Variants in TFB1M observed in about 807,000 individuals in gnomAD.
TFB1M encodes the protein dimethyladenosine transferase 1, mitochondrial.
A neutral mutation model predicts 31.1 loss-of-function variants in TFB1M; 27 were observed. That is an observed-to-expected ratio of 0.87 (90% CI 0.64 to 1.20). TFB1M has a LOEUF of 1.20. TFB1M is among the 50% of genes most tolerant of loss of function. The pLI is 0.00. For missense variants in TFB1M, 394 were observed against 418.7 expected, an observed-to-expected ratio of 0.94 and a Z score of 0.51; for synonymous variants, 166 against 151.8, an observed-to-expected ratio of 1.09 and a Z score of -0.69.
intron 4 of TFB1M, among the ~76,000 whole-genome samples, chr6:155,292,301 AG>A (rs1401982925): frequency 3.3e-5 from 5 of 152,156 alleles, no homozygotes; most frequent in South Asian, 4.1e-4. Context: ...TGGGGGAGAC[AG>A]GAACAGGAGA....
chr6:155,308,821 C>T (rs1174250986), intron 2 of TFB1M, among the ~76,000 whole-genome samples: 2 of 152,098 alleles, frequency 1.3e-5, no homozygotes, highest in Non-Finnish European at 2.9e-5. Flanking sequence ...GCTTAGAAAT[C>T]ACTAAAATGG....
In TFB1M at chr6:155,285,197, G is replaced by T; in HGVS notation, c.627C>A (p.Ile209=). ...MAQYLCNVRH[I]FTIPGQAFVP... is the part of the protein sequence containing the mutation. The stretch of plus-strand genomic sequence containing the variant: ...CAAAAGCTTGTCCTGGAATCGTAAA[G>T]ATGTGTCGAACATTGCAGAGGTACT... Residue 209 remains isoleucine, a synonymous_variant, in exon 5 of 7, where the codon ATC becomes ATA. Transcript: ENST00000367166. The T allele has an allele frequency of 6.2e-7, 1 of 1,614,054 alleles. No individual in the cohort carries two copies. The highest frequency in any genetic ancestry group is 8.5e-7 in the Non-Finnish European group (1 of 1,179,900).
At chr6:155,264,921 GGAGATGCACGTGTAATCCTCA>G in intron 5 of TFB1M, among the ~76,000 whole-genome samples, 1 of 152,260 alleles carries the variant, frequency 6.6e-6, no homozygotes, top group East Asian at 1.9e-4. Context: ...ACAATTTCAG[GGAGATGCACGTGTAATCCTCA>G]AGAAAGCACA....
chr6:155,274,857 A>C (rs1031431283), intron 5 of TFB1M, among the ~76,000 whole-genome samples: 9 of 152,246 alleles, frequency 5.9e-5, no homozygotes, highest in Non-Finnish European at 1.3e-4. Context: ...TGTATTTATA[A>C]ACCATCTTTA....
chr6:155,252,113 CT>C, downstream of TFB1M: 1 of 786,948 alleles, frequency 1.3e-6, no homozygotes, highest in Non-Finnish European at 2.1e-6. Flanking sequence ...ACTGATACTG[CT>C]TACTCTGAGG....
chr6:155,252,479 A>C (rs935200475), downstream of TFB1M, among the ~76,000 whole-genome samples: 10 of 152,206 alleles, frequency 6.6e-5, no homozygotes, highest in African/African-American at 2.2e-4. Context: ...TAAATACATA[A>C]ATAAGTAAAT....
intron 5 of TFB1M, among the ~76,000 whole-genome samples, chr6:155,266,136 T>C (rs1583315072): frequency 6.6e-6 from 1 of 152,182 alleles, no homozygotes; most frequent in Non-Finnish European, 1.5e-5. Flanking sequence ...CCAGGATCAA[T>C]ACTTTGTATC....
chr6:155,295,954 T>C (rs1175403263), intron 4 of TFB1M, among the ~76,000 whole-genome samples: 2 of 152,024 alleles, frequency 1.3e-5, no homozygotes, highest in Admixed American at 6.5e-5. Flanking sequence ...TTTGTGGGGG[T>C]TCTGGAATCA....
intron 2 of TFB1M, among the ~76,000 whole-genome samples, chr6:155,305,148 AT>A (rs1169024466): frequency 8.9e-6 from 1 of 112,250 alleles, no homozygotes; most frequent in Non-Finnish European, 1.7e-5. Flanking sequence ...ATTTATATAT[AT>A]AAATATATAT....
At chr6:155,291,692 C>T (rs1289665567) in intron 4 of TFB1M, among the ~76,000 whole-genome samples, 1 of 152,174 alleles carries the variant, frequency 6.6e-6, no homozygotes, top group Non-Finnish European at 1.5e-5. Flanking sequence ...CCCAGCATCC[C>T]TAACCTTCTA....
chr6:155,250,113 T>C, the TFB1M span: 1 of 596,524 alleles, frequency 1.7e-6, no homozygotes, highest in Non-Finnish European at 3.0e-6. Flanking sequence ...TCTAATGAAC[T>C]ACACAATTTA....
the TFB1M span, among the ~76,000 whole-genome samples, chr6:155,234,989 C>CGGAGCACAGCTAGAGAT: frequency 3.3e-5 from 5 of 151,544 alleles, no homozygotes; most frequent in Non-Finnish European, 5.9e-5. Context: ...GAGCTAGAGA[C>CGGAGCACAGCTAGAGAT]GGAGCACAGC....
At chr6:155,241,720 G>A in the TFB1M span, among the ~76,000 whole-genome samples, 1 of 152,186 alleles carries the variant, frequency 6.6e-6, no homozygotes, top group African/African-American at 2.4e-5. Flanking sequence ...AGTTAGGAGA[G>A]ATGACAGTTT....
In TFB1M at chr6:155,257,821, G is replaced by A. The variant is rs767560722; in HGVS notation, c.*15C>T. 12 of 1,613,828 alleles carry A rather than the reference G, an allele frequency of 7.4e-6. No homozygotes were observed. The highest frequency in any genetic ancestry group is 4.0e-5 in the African/African-American group (3 of 75,016). On this transcript the variant is annotated 3_prime_UTR_variant, in exon 7 of 7. Coordinates refer to ENST00000367166, the MANE Select transcript of TFB1M (RefSeq NM_016020.4). Reference sequence around the variant, plus strand: ...CAAATCGACATCTGGTAGGCTGCTCGCCCCCAGGCAGCAGCTAGAGTCTGT... The same window carrying A: ...CAAATCGACATCTGGTAGGCTGCTCACCCCCAGGCAGCAGCTAGAGTCTGT...
At chr6:155,275,579 T>G (rs965225039) in intron 5 of TFB1M, 2 of 794,938 alleles carry the variant, frequency 2.5e-6, no homozygotes, top group Admixed American at 2.3e-5. Context: ...TTACTTACTT[T>G]CTTTCGCTCA....
the TFB1M span, chr6:155,249,926 T>C: frequency 1.2e-6 from 2 of 1,614,092 alleles, no homozygotes; most frequent in East Asian, 4.5e-5. Context: ...TATGGGACCG[T>C]GTTTGACCAG....
At chr6:155,252,949 C>T, downstream of TFB1M, 1 of 1,613,910 alleles carries the variant, frequency 6.2e-7, no homozygotes. Context: ...ATGTTACAGC[C>T]CTCGAATTCC....
chr6:155,247,517 CG>C, the TFB1M span, among the ~76,000 whole-genome samples: 2 of 151,978 alleles, frequency 1.3e-5, no homozygotes, highest in African/African-American at 4.8e-5. Flanking sequence ...TTAGTAGAGA[CG>C]GGTTTCACCA....
chr6:155,276,412 T>A (rs769992530), intron 5 of TFB1M: 4 of 1,570,590 alleles, frequency 2.5e-6, no homozygotes, highest in Non-Finnish European at 3.5e-6. Context: ...ATGGAACTTT[T>A]GGGTGCCAAA....
Sources: allele counts gnomAD v4.1 joint callset (sites outside exome capture counted in the v4.1 genomes callset), GRCh38; gene constraint gnomAD v4.1.1; transcripts MANE v1.5; gene names NCBI Gene and HGNC (gene_info 2026-07-23, HGNC 2026-07-21).